DRAM2: variants seen among roughly 807,000 people sequenced by gnomAD.
DRAM2 encodes the protein DNA damage-regulated autophagy modulator protein 2.
A neutral mutation model predicts 33.5 loss-of-function variants in DRAM2; 26 were observed. The observed-to-expected ratio is 0.78, with a 90% CI of 0.57 to 1.08. The LOEUF is 1.08. Ranked by LOEUF, DRAM2 falls within the 50% of genes least tolerant of loss-of-function variation. The pLI, the probability that DRAM2 is intolerant of heterozygous loss-of-function variation, is 0.00. For synonymous variants in DRAM2, 98 were observed against 109.5 expected (o/e 0.89, Z 0.66); for missense variants, 311 against 318.1 (o/e 0.98, Z 0.17).
Position 111,131,563 on chromosome 1 carries a change from G to A in DRAM2, c.-9C>T. The stretch of plus-strand genomic sequence containing the variant: ...TGCTGAAACCACCACATTTCTAACA[G>A]GTTTTCTGAAATAGAGAAAACATAT... On this transcript the variant is annotated 5_prime_UTR_variant, in exon 4 of 10. Transcript: ENST00000484310. 1 of 1,612,574 alleles carries A rather than the reference G, an allele frequency of 6.2e-7. No individual in the cohort carries two copies. The highest frequency in any genetic ancestry group is 8.5e-7 in the Non-Finnish European group (1 of 1,179,632).
rs1360623956 is a variant in DRAM2 at position 111,139,613 on chromosome 1, T to C, written c.-191A>G. On this transcript the variant is annotated 5_prime_UTR_variant, in exon 2 of 10. Transcript: ENST00000484310. ...CAGAGGAATTAATTAGACCGCTGAT[T>C]TTCTCCGGAAGCGCGAAGCACTAGG... is the stretch of plus-strand genomic sequence containing the variant. 1.3e-5 allele frequency: 2 copies of C among 152,254 alleles called. No individual in the cohort carries two copies. The highest frequency in any genetic ancestry group is 1.5e-5 in the Non-Finnish European group (1 of 68,062). The allele number at this position is 152,254 out of a possible 1,614,324, so 9.4% of individuals were successfully genotyped here.
intron 9 of DRAM2, 184 bp from the exon 10 acceptor site, chr1:111,118,451 T>G (rs1007250246): frequency 2.0e-6 from 1 of 512,068 alleles, no homozygotes; most frequent in African/African-American, 2.0e-5. Context: ...ACCAAGCTTC[T>G]CAATTCATAA....
At chr1:111,134,859 TTTG>T (rs1374052643) in intron 3 of DRAM2, among the ~76,000 whole-genome samples, 1 of 152,026 alleles carries the variant, frequency 6.6e-6, no homozygotes, top group Non-Finnish European at 1.5e-5. Flanking sequence ...AGGATCCGTA[TTTG>T]TTTTTTCCAG....
chr1:111,132,821 A>G (rs1258844850), intron 3 of DRAM2, among the ~76,000 whole-genome samples: 1 of 151,724 alleles, frequency 6.6e-6, no homozygotes, highest in Non-Finnish European at 1.5e-5. Flanking sequence ...AGCTGGGACC[A>G]CAAGTAACGC....
chr1:111,118,761 A>G, intron 9 of DRAM2, 44 bp downstream of exon 9: 2 of 1,470,338 alleles, frequency 1.4e-6, no homozygotes, highest in Non-Finnish European at 1.9e-6. Context: ...CTGGACTAAG[A>G]GAAGGAAGTC....
chr1:111,129,824 A>T (rs1256352218), intron 4 of DRAM2, among the ~76,000 whole-genome samples: 2 of 152,206 alleles, frequency 1.3e-5, no homozygotes, highest in Non-Finnish European at 2.9e-5. Flanking sequence ...AACCCAAAAA[A>T]GTGAGAAAGA....
At chr1:111,124,694 A>G (rs889265538) in intron 6 of DRAM2, 48 bp downstream of exon 6, 1 of 1,590,768 alleles carries the variant, frequency 6.3e-7, no homozygotes, top group Non-Finnish European at 8.6e-7. Flanking sequence ...TTTAATATAT[A>G]TATTTATGTA....
chr1:111,126,063 A>T (rs1304957848), intron 5 of DRAM2, among the ~76,000 whole-genome samples, 164 bp downstream of exon 5: 1 of 152,074 alleles, frequency 6.6e-6, no homozygotes, highest in African/African-American at 2.4e-5. Context: ...CATTTCTAGA[A>T]AAGTGTTTTT....
intron 8 of DRAM2, 45 bp from the exon 9 acceptor site, chr1:111,118,942 A>G (rs2101006033): frequency 7.4e-7 from 1 of 1,347,068 alleles, no homozygotes; most frequent in Non-Finnish European, 1.0e-6. Flanking sequence ...ATTTCATTTA[A>G]ACGATCTATA....
intron 6 of DRAM2, among the ~76,000 whole-genome samples, chr1:111,122,381 G>C (rs946504456): frequency 6.8e-6 from 1 of 147,900 alleles, no homozygotes; most frequent in African/African-American, 2.5e-5. Context: ...ACAGTAAGGA[G>C]GGAAGTAAAG....
chr1:111,131,096 ATT>A (rs1178396483), intron 4 of DRAM2, among the ~76,000 whole-genome samples: 1 of 152,048 alleles, frequency 6.6e-6, no homozygotes, highest in Non-Finnish European at 1.5e-5. Context: ...TATCATTATT[ATT>A]GTTTGTAGCA....
At chr1:111,122,226 G>C (rs1650183411) in intron 6 of DRAM2, among the ~76,000 whole-genome samples, 1 of 152,138 alleles carries the variant, frequency 6.6e-6, no homozygotes, top group Non-Finnish European at 1.5e-5. Flanking sequence ...AAAATGAGAT[G>C]TATATACGTT....
chr1:111,121,781 ATAAT>A (rs1403368599), intron 6 of DRAM2, among the ~76,000 whole-genome samples: 3 of 152,192 alleles, frequency 2.0e-5, no homozygotes, highest in African/African-American at 7.2e-5. Flanking sequence ...AAGTTACTAA[ATAAT>A]TAATGAAAGC....
chr1:111,136,500 G>A (rs528929220), intron 3 of DRAM2, among the ~76,000 whole-genome samples: 89 of 152,030 alleles, frequency 5.9e-4, no homozygotes, highest in Non-Finnish European at 1.1e-3. Context: ...TAGGAGAATC[G>A]CTTGACCCAG....
chr1:111,137,251 CAAA>C (rs71580572), intron 3 of DRAM2, among the ~76,000 whole-genome samples: 4 of 68,674 alleles, frequency 5.8e-5, no homozygotes, highest in Non-Finnish European at 8.4e-5. Flanking sequence ...GATTCCATCT[CAAA>C]AAAAAAAAAA....
At chr1:111,121,954 G>A (rs1351373942) in intron 6 of DRAM2, among the ~76,000 whole-genome samples, 1 of 151,984 alleles carries the variant, frequency 6.6e-6, no homozygotes, top group East Asian at 1.9e-4. Flanking sequence ...CCAAACAGAG[G>A]AAACAGTATG....
rs1650978401 is a variant in DRAM2 at position 111,126,219 on chromosome 1, T to C, written c.199+8A>G. On this transcript the variant is annotated splice_region_variant and intron_variant, in intron 5 of 9. Coordinates refer to ENST00000484310, the MANE Select transcript of DRAM2 (RefSeq NM_001349884.2). The stretch of plus-strand genomic sequence containing the variant: ...TATTATCATGTTAAAATCACTTTCA[T>C]TACTTACATAAAACTGCCGCAATAT... 4 of 1,595,258 alleles carry C rather than the reference T, an allele frequency of 2.5e-6. No individual in the cohort carries two copies. Among genetic ancestry groups the C allele is most frequent in the Non-Finnish European group, 3.4e-6 (4 of 1,163,526 alleles).
At chr1:111,128,224 G>C (rs1651417222) in intron 4 of DRAM2, among the ~76,000 whole-genome samples, 1 of 142,858 alleles carries the variant, frequency 7.0e-6, no homozygotes, top group Non-Finnish European at 1.5e-5. Context: ...GAACTGAAAA[G>C]AATTTTGCAG....
In DRAM2 at chr1:111,117,927, T is replaced by C; in HGVS notation, c.*233A>G. 1.9e-6 allele frequency: 1 copy of C among 518,862 alleles called. No homozygotes were observed. The highest frequency in any genetic ancestry group is 3.4e-6 in the Non-Finnish European group (1 of 292,150). The allele number at this position is 518,862 out of a possible 1,614,324, so 32.1% of individuals were successfully genotyped here. ...TGATATCATAGTCTTTTGACTTTATTTTCTGAGATAAAAAAGTATAGGCAT... is the reference window on the plus strand; with the variant it reads ...TGATATCATAGTCTTTTGACTTTATCTTCTGAGATAAAAAAGTATAGGCAT... On this transcript the variant is annotated 3_prime_UTR_variant, in exon 10 of 10. Transcript: ENST00000484310.
Sources: gnomAD v4.1 joint callset for allele counts (sites outside exome capture counted in the v4.1 genomes callset) on GRCh38, gnomAD v4.1.1 for gene constraint, MANE v1.5 for transcripts, NCBI Gene and HGNC (gene_info 2026-07-23, HGNC 2026-07-21) for gene names.